Variants in ZFHX3 observed in about 807,000 individuals in gnomAD.
The protein encoded by ZFHX3 is zinc finger homeobox protein 3.
In ZFHX3, 42 loss-of-function variants were observed where a neutral mutation model predicts 279.1. The ratio of observed to expected loss-of-function variants is 0.15; its 90% CI spans 0.12 to 0.19. ZFHX3 has a LOEUF of 0.19. ZFHX3 is among the 10% of genes least tolerant of loss of function. The pLI is 1.00. For missense variants in ZFHX3, 4,981 were observed against 4,754.0 expected, an observed-to-expected ratio of 1.05 and a Z score of -1.40; for synonymous variants, 2,293 against 1,957.8, an observed-to-expected ratio of 1.17 and a Z score of -4.52.
intron 3 of ZFHX3, among the ~76,000 whole-genome samples, chr16:73,350,493 A>C (rs758757318): frequency 1.2e-4 from 18 of 152,136 alleles, no homozygotes; most frequent in African/African-American, 4.3e-4. Context: ...TTCTTTCAAG[A>C]GGTGGTACTT....
At chr16:73,449,473 G>A (rs2018246502) in intron 3 of ZFHX3, among the ~76,000 whole-genome samples, 2 of 151,940 alleles carry the variant, frequency 1.3e-5, no homozygotes, top group South Asian at 2.1e-4. Context: ...ATCAGCCTGG[G>A]CAACATAGCA....
chr16:73,481,206 G>A (rs1290556958), intron 2 of ZFHX3, among the ~76,000 whole-genome samples: 3 of 152,050 alleles, frequency 2.0e-5, no homozygotes, highest in African/African-American at 7.2e-5. Flanking sequence ...GTACCCACCT[G>A]TAATCCCAGC....
intron 5 of ZFHX3, among the ~76,000 whole-genome samples, chr16:72,827,852 T>C (rs763039381): frequency 7.9e-5 from 12 of 152,206 alleles, no homozygotes; most frequent in Non-Finnish European, 1.0e-4. Context: ...CAGTGGACAG[T>C]AGAATCCACC....
At chr16:73,482,235 T>C (rs1290243340) in intron 2 of ZFHX3, among the ~76,000 whole-genome samples, 1 of 152,136 alleles carries the variant, frequency 6.6e-6, no homozygotes, top group Non-Finnish European at 1.5e-5. Flanking sequence ...GTCCATCCTT[T>C]GGCACCCCAG....
chr16:72,961,655 T>C lies in ZFHX3; in HGVS notation c.-49-1461A>G, dbSNP rs1260859576. On this transcript the variant is annotated intron_variant, in intron 1 of 9. Transcript: ENST00000268489. The stretch of plus-strand genomic sequence containing the variant: ...TTTTTTTTTTTTCATTTCTTGATTA[T>C]TGACTGCACAATGAGACAACAGCTC... Among the ~76,000 whole-genome samples, 5 of 152,024 alleles carry C rather than the reference T, an allele frequency of 3.3e-5. No homozygotes were observed. In the East Asian group the frequency reaches 7.7e-4, roughly 24 times the overall value.
chr16:73,043,908 T>G (rs1228681595), intron 1 of ZFHX3, among the ~76,000 whole-genome samples: 2 of 152,204 alleles, frequency 1.3e-5, no homozygotes, highest in South Asian at 2.1e-4. Context: ...AGTGCTTCTC[T>G]TTAATCTGGA....
chr16:73,034,282 C>A (rs1195970605), intron 1 of ZFHX3, among the ~76,000 whole-genome samples: 1 of 152,056 alleles, frequency 6.6e-6, no homozygotes, highest in Non-Finnish European at 1.5e-5. Flanking sequence ...CAAGATAAGG[C>A]AAGAAAGCAG....
intron 2 of ZFHX3, among the ~76,000 whole-genome samples, chr16:73,601,276 C>A (rs1010698021): frequency 6.7e-6 from 1 of 149,406 alleles, no homozygotes; most frequent in Non-Finnish European, 1.5e-5. Context: ...TATGGTGAAA[C>A]CCCGTCTCTA....
chr16:73,059,661 G>A (rs1180836977), exon 1 of ZFHX3: 1 of 151,958 alleles, frequency 6.6e-6, no homozygotes, highest in Non-Finnish European at 1.5e-5. Flanking sequence ...AGGTTTAAGT[G>A]AAAGAGCAGA....
At chr16:73,284,316 CAAAAAAAAAA>C (rs71156152) in intron 4 of ZFHX3, among the ~76,000 whole-genome samples, 1 of 83,306 alleles carries the variant, frequency 1.2e-5, no homozygotes, top group African/African-American at 4.8e-5. Flanking sequence ...GACTCTGTCT[CAAAAAAAAAA>C]AAAAAAAAAA....
chr16:73,146,284 T>TG (rs1966862668), intron 5 of ZFHX3, among the ~76,000 whole-genome samples: 1 of 151,936 alleles, frequency 6.6e-6, no homozygotes, highest in East Asian at 1.9e-4. Flanking sequence ...AAAAATTAAC[T>TG]GGGCGTGGTG....
At chr16:73,397,342 A>T (rs1160556817) in intron 3 of ZFHX3, among the ~76,000 whole-genome samples, 1 of 152,192 alleles carries the variant, frequency 6.6e-6, no homozygotes, top group Non-Finnish European at 1.5e-5. Context: ...GAGTGGCATG[A>T]CTGGAAGGCA....
In ZFHX3 at chr16:73,733,011, T is replaced by C. The variant is rs543862745; in HGVS notation, c.-1607-52771A>G. Among the ~76,000 whole-genome samples, 80 of 152,336 alleles carry C rather than the reference T, an allele frequency of 5.3e-4. 1 individual carries two copies. In the South Asian group the frequency reaches 0.016, roughly 30 times the overall value. On this transcript the variant is annotated intron_variant, in intron 1 of 17. Coordinates refer to the ZFHX3 transcript ENST00000641206. ...AGTGTATGGTGAAGATCTACAGCAG[T>C]TTATTTATTTTAATGTTAGGTGATG...
intron 1 of ZFHX3, among the ~76,000 whole-genome samples, chr16:72,961,372 G>A (rs949853973): frequency 7.9e-5 from 12 of 152,204 alleles, no homozygotes; most frequent in Admixed American, 7.9e-4. Flanking sequence ...GGGAGGCATC[G>A]GATCACGGCC....
intron 1 of ZFHX3, among the ~76,000 whole-genome samples, chr16:73,852,190 T>G (rs1961608779): frequency 6.6e-6 from 1 of 152,216 alleles, no homozygotes; most frequent in Non-Finnish European, 1.5e-5. Context: ...TGCAGGCTGT[T>G]TTGTTCCAGA....
chr16:73,276,375 G>T (rs189024916), intron 4 of ZFHX3, among the ~76,000 whole-genome samples: 1 of 151,674 alleles, frequency 6.6e-6, no homozygotes, highest in African/African-American at 2.4e-5. Context: ...GTAGAGACGG[G>T]GTTTCACCAT....
intron 7 of ZFHX3, among the ~76,000 whole-genome samples, chr16:73,105,322 TAC>T (rs200244376): frequency 0.069 from 8,931 of 129,160 alleles, 393 homozygotes; most frequent in African/African-American, 0.12. Flanking sequence ...TACACACACA[TAC>T]ACACACACAC....
At chr16:73,842,998 G>T (rs924776931) in intron 1 of ZFHX3, among the ~76,000 whole-genome samples, 1 of 152,202 alleles carries the variant, frequency 6.6e-6, no homozygotes, top group African/African-American at 2.4e-5. Flanking sequence ...CAAGTTTTCA[G>T]TAACACATTA....
At chr16:72,951,502 T>A (rs1961000199) in intron 2 of ZFHX3, among the ~76,000 whole-genome samples, 1 of 152,130 alleles carries the variant, frequency 6.6e-6, no homozygotes, top group Non-Finnish European at 1.5e-5. Context: ...CCTCAGCTGA[T>A]CCAACTGCCT....
Sources: gnomAD v4.1 joint callset for allele counts (sites outside exome capture counted in the v4.1 genomes callset) on GRCh38, gnomAD v4.1.1 for gene constraint, MANE v1.5 for transcripts, NCBI Gene and HGNC (gene_info 2026-07-23, HGNC 2026-07-21) for gene names.